Variants in UGT2B17 observed in about 807,000 individuals in gnomAD.
UGT2B17 encodes the protein UDP glucuronosyltransferase family 2 member B17, also known as UDP-glucuronosyltransferase 2B17.
UGT2B17 carries 21 observed loss-of-function variants against 48.2 expected under a neutral mutation model. The ratio of observed to expected loss-of-function variants is 0.44; its 90% CI spans 0.31 to 0.63. UGT2B17 has a LOEUF of 0.63. UGT2B17 is among the 20% of genes least tolerant of loss of function. The probability of loss-of-function intolerance (pLI) is 0.08; values close to 1 mark genes in which losing one functional copy is unlikely to be tolerated. For synonymous variants in UGT2B17, 146 were observed against 238.4 expected (o/e 0.61, Z 3.57); for missense variants, 402 against 696.1 (o/e 0.58, Z 4.75).
intron 4 of UGT2B17, among the ~76,000 whole-genome samples, chr4:68,554,570 T>C (rs1730969587): frequency 7.9e-6 from 1 of 125,958 alleles, no homozygotes; most frequent in Non-Finnish European, 1.7e-5. Context: ...ATTTCTGAAG[T>C]AAAAACCACA....
rs1289084614 is a variant in UGT2B17 at position 68,546,521 on chromosome 4, A to T, written c.1313+4156T>A. 4.7e-5 allele frequency among the ~76,000 whole-genome samples: 6 copies of T among 126,406 alleles called. 1 individual carries two copies. The highest frequency in any genetic ancestry group is 1.6e-4 in the African/African-American group (6 of 37,000). 82.9% of individuals were successfully genotyped at this position (126,406 alleles called of 152,430 possible). Reference sequence around the variant, plus strand: ...TTCCCTTTGAAGACTGGTACAAGACAGGGATGCCCTCTCTCACCACTCCTA... The same window carrying T: ...TTCCCTTTGAAGACTGGTACAAGACTGGGATGCCCTCTCTCACCACTCCTA... On this transcript the variant is annotated intron_variant, in intron 6 of 6. Coordinates refer to ENST00000317746, the MANE Select transcript of UGT2B17 (RefSeq NM_001077.4).
In UGT2B17 at chr4:68,564,294, A is replaced by ATTTTTTT. The variant is rs1182011820; in HGVS notation, c.873+1271_873+1277dup. Reference sequence around the variant, plus strand: ...ATTTCATATATATATATATATATATATTTTTTTTTTTTGAGACAGAGTCTC... The same window carrying ATTTTTTT: ...ATTTCATATATATATATATATATATATTTTTTTTTTTTTTTTTTTGAGACAGAGTCTC... On this transcript the variant is annotated intron_variant, in intron 3 of 6. Transcript: ENST00000317746. Among the ~76,000 whole-genome samples the ATTTTTTT allele has an allele frequency of 1.7e-3, 128 of 75,760 alleles. 18 individuals carry two copies. Among genetic ancestry groups the ATTTTTTT allele is most frequent in the African/African-American group, 6.2e-3 (122 of 19,706 alleles). 49.7% of individuals were successfully genotyped at this position (75,760 alleles called of 152,430 possible).
At chr4:68,553,157 C>A (rs1730945648) in intron 4 of UGT2B17, among the ~76,000 whole-genome samples, 1 of 125,298 alleles carries the variant, frequency 8.0e-6, no homozygotes. Flanking sequence ...AGTATTTCTC[C>A]CATCAGATTT....
rs1341074700 is a variant in UGT2B17 at position 68,543,475 on chromosome 4, A to G, written c.1314-5571T>C. On this transcript the variant is annotated intron_variant, in intron 6 of 6. Transcript: ENST00000317746. ...AAAACCAAAGGTAGATAAAACCACA[A>G]AGATGGGGGAAAAAAGAGCAGAAAA... 3.2e-5 allele frequency among the ~76,000 whole-genome samples: 4 copies of G among 125,056 alleles called. 2 individuals carry two copies. The highest frequency in any genetic ancestry group is 1.1e-4 in the African/African-American group (4 of 36,548). The allele number at this position is 125,056 out of a possible 152,430, so 82.0% of individuals were successfully genotyped here.
In UGT2B17 at chr4:68,541,168, T is replaced by C. The variant is rs1459948273; in HGVS notation, c.1314-3264A>G. On this transcript the variant is annotated intron_variant, in intron 6 of 6. Coordinates refer to ENST00000317746, the MANE Select transcript of UGT2B17 (RefSeq NM_001077.4). ...ATGCCTTTGGGTATATATCAAGTAA[T>C]GAGATTGCTAGGTCAAATGGTGTTT... Among the ~76,000 whole-genome samples, 2 of 126,192 alleles carry C rather than the reference T, an allele frequency of 1.6e-5. 1 individual carries two copies. The highest frequency in any genetic ancestry group is 3.4e-5 in the Non-Finnish European group (2 of 59,644). 82.8% of individuals were successfully genotyped at this position (126,192 alleles called of 152,430 possible).
intron 6 of UGT2B17, among the ~76,000 whole-genome samples, chr4:68,547,915 G>C (rs180736851): frequency 1.6e-5 from 2 of 126,394 alleles, no homozygotes; most frequent in Admixed American, 8.1e-5. Flanking sequence ...TCATTAAAAA[G>C]TCAGGAAACC....
Position 68,558,621 on chromosome 4 carries a change from A to C in UGT2B17, c.1005+1916T>G, listed in dbSNP as rs1207908230. On this transcript the variant is annotated intron_variant, in intron 4 of 6. Coordinates refer to ENST00000317746, the MANE Select transcript of UGT2B17 (RefSeq NM_001077.4). The stretch of plus-strand genomic sequence containing the variant: ...GTCTTCACAGTACATGAGACTTCAG[A>C]ACCTGCTAAAAATGAACTTTCCTAA... 1.6e-5 allele frequency among the ~76,000 whole-genome samples: 2 copies of C among 126,036 alleles called. 1 individual carries two copies. Among genetic ancestry groups the C allele is most frequent in the Non-Finnish European group, 3.4e-5 (2 of 59,374 alleles). 82.7% of individuals were successfully genotyped at this position (126,036 alleles called of 152,430 possible). A position where few individuals can be genotyped will look rare whatever the true frequency, so the allele number is the denominator to read the frequency against.
chr4:68,572,238 C>T lies in UGT2B17; in HGVS notation c.-64-3690G>A, dbSNP rs771614541. 1.3e-4 allele frequency among the ~76,000 whole-genome samples: 17 copies of T among 126,008 alleles called. 5 individuals are homozygous for T. Among genetic ancestry groups the T allele is most frequent in the Non-Finnish European group, 2.3e-4 (14 of 59,594 alleles). 82.7% of individuals were successfully genotyped at this position (126,008 alleles called of 152,430 possible). The stretch of plus-strand genomic sequence containing the variant: ...ATGCTGCTTACTATTAATAGCGGCA[C>T]AAGTGTCAAATTTTAAGGTTACATT... On this transcript the variant is annotated intron_variant, in intron 1 of 6. Transcript: ENST00000317746.
intron 6 of UGT2B17, among the ~76,000 whole-genome samples, chr4:68,544,972 T>C (rs1339306337): frequency 7.9e-6 from 1 of 125,978 alleles, no homozygotes; most frequent in Admixed American, 8.1e-5. Context: ...CACACAATAA[T>C]AATGGGACAC....
At position 68,537,862 on chromosome 4, in the gene UGT2B17, A is replaced by G; in HGVS notation, c.1356T>C (p.Asp452=). Residue 452 remains aspartate (D), a synonymous_variant, in exon 7 of 7, where the codon GAT becomes GAC. Coordinates refer to ENST00000317746, the MANE Select transcript of UGT2B17 (RefSeq NM_001077.4). ...NIMKLSRIHH[D]QPVKPLDRAV... is the part of the protein sequence containing the mutation. The stretch of plus-strand genomic sequence containing the variant: ...CTCGATCCAGGGGCTTCACCGGTTG[A>G]TCATGATGAATTCTTGATAATTTCA... 2.2e-6 allele frequency: 3 copies of G among 1,374,418 alleles called. 1 individual carries two copies. The highest frequency in any genetic ancestry group is 3.4e-5 in the South Asian group (2 of 59,218). The allele number at this position is 1,374,418 out of a possible 1,614,324, so 85.1% of individuals were successfully genotyped here.
rs1424330338 is a variant in UGT2B17, at chr4:68,572,077, T to A, written c.-64-3529A>T. 4.0e-5 allele frequency among the ~76,000 whole-genome samples: 5 copies of A among 126,410 alleles called. 2 individuals carry two copies. The highest frequency in any genetic ancestry group is 8.4e-5 in the Non-Finnish European group (5 of 59,564). The allele number at this position is 126,410 out of a possible 152,430, so 82.9% of individuals were successfully genotyped here. A position where few individuals can be genotyped will look rare whatever the true frequency, so the allele number is the denominator to read the frequency against. On this transcript the variant is annotated intron_variant, in intron 1 of 6. Coordinates refer to ENST00000317746, the MANE Select transcript of UGT2B17 (RefSeq NM_001077.4). ...TTTTGGAGTCAAACACGATCTTTTT[T>A]ATTTTCCTTTTAAGTAGTCTGAATG...
intron 1 of UGT2B17, among the ~76,000 whole-genome samples, chr4:68,568,952 A>G (rs1320952018): frequency 7.2e-6 from 1 of 139,714 alleles, no homozygotes; most frequent in Non-Finnish European, 1.6e-5. Context: ...AATCAGTATT[A>G]TCTCCAAAAG....
Position 68,543,622 on chromosome 4 carries a change from A to G in UGT2B17, c.1314-5718T>C, listed in dbSNP as rs1560574887. On this transcript the variant is annotated intron_variant, in intron 6 of 6. Coordinates refer to ENST00000317746, the MANE Select transcript of UGT2B17 (RefSeq NM_001077.4). ...AGTTCAGAGAAGAAGGCTTCAGACG[A>G]TCAAACTACTCCGGACTAAAGGAGG... Among the ~76,000 whole-genome samples, 2 of 125,536 alleles carry G rather than the reference A, an allele frequency of 1.6e-5. 1 individual carries two copies. Among genetic ancestry groups the G allele is most frequent in the Non-Finnish European group, 3.4e-5 (2 of 59,454 alleles). The allele number at this position is 125,536 out of a possible 152,430, so 82.4% of individuals were successfully genotyped here. A position where few individuals can be genotyped will look rare whatever the true frequency, so the allele number is the denominator to read the frequency against.
At chr4:68,558,346 GT>G (rs1220919731) in intron 4 of UGT2B17, among the ~76,000 whole-genome samples, 4 of 124,308 alleles carry the variant, frequency 3.2e-5, no homozygotes, top group Admixed American at 8.3e-5. Flanking sequence ...GTGTCTTCAG[GT>G]TTTTTTTCCT....
In UGT2B17 at chr4:68,564,294, A is replaced by ATATATTTT. The variant is rs1366181355; in HGVS notation, c.873+1277_873+1278insAAAATATA. On this transcript the variant is annotated intron_variant, in intron 3 of 6. Coordinates refer to ENST00000317746, the MANE Select transcript of UGT2B17 (RefSeq NM_001077.4). ...ATTTCATATATATATATATATATAT[A>ATATATTTT]TTTTTTTTTTTTGAGACAGAGTCTC... Among the ~76,000 whole-genome samples, 14 of 75,786 alleles carry ATATATTTT rather than the reference A, an allele frequency of 1.8e-4. 2 individuals are homozygous for ATATATTTT. The highest frequency in any genetic ancestry group is 9.1e-4 in the South Asian group (1 of 1,094). 49.7% of individuals were successfully genotyped at this position (75,786 alleles called of 152,430 possible). A position where few individuals can be genotyped will look rare whatever the true frequency, so the allele number is the denominator to read the frequency against.
chr4:68,564,950 G>A (rs758993987), intron 3 of UGT2B17, among the ~76,000 whole-genome samples: 8 of 125,034 alleles, frequency 6.4e-5, no homozygotes, highest in Non-Finnish European at 8.4e-5. Flanking sequence ...CCAAGCAATC[G>A]TCCCTTCTCT....
chr4:68,549,362 T>A (rs1385871508), intron 6 of UGT2B17, among the ~76,000 whole-genome samples: 1 of 110,052 alleles, frequency 9.1e-6, no homozygotes, highest in African/African-American at 2.9e-5. Context: ...AAAAAAAAAA[T>A]CTATCTGCCC....
intron 3 of UGT2B17, among the ~76,000 whole-genome samples, chr4:68,564,379 C>T (rs1731160064): frequency 8.6e-6 from 1 of 116,894 alleles, no homozygotes; most frequent in Non-Finnish European, 1.8e-5. Flanking sequence ...ACCTCTGCCT[C>T]CCGCGTTCAA....
At position 68,561,982 on chromosome 4, in the gene UGT2B17, T is replaced by C. The variant is rs556034425; in HGVS notation, c.874-1314A>G. 2.0e-4 allele frequency among the ~76,000 whole-genome samples: 25 copies of C among 124,388 alleles called. 4 individuals are homozygous for C. Among genetic ancestry groups the C allele is most frequent in the African/African-American group, 6.8e-4 (25 of 36,744 alleles). The allele number at this position is 124,388 out of a possible 152,430, so 81.6% of individuals were successfully genotyped here. ...CAAATATACTTTCTGGTCCTAATCA[T>C]TGGGGGAAATTTCTTTATAAAACTG... On this transcript the variant is annotated intron_variant, in intron 3 of 6. Transcript: ENST00000317746.
Sources: gnomAD v4.1 joint callset for allele counts (sites outside exome capture counted in the v4.1 genomes callset) on GRCh38, gnomAD v4.1.1 for gene constraint, MANE v1.5 for transcripts, NCBI Gene and HGNC (gene_info 2026-07-23, HGNC 2026-07-21) for gene names.